The following WIPF3 variants were observed in gnomAD, a reference collection of about 807,000 sequenced individuals.
The protein encoded by WIPF3 is WAS/WASL interacting protein family member 3.
In WIPF3, 33 loss-of-function variants were observed where a neutral mutation model predicts 38.9. That is an observed-to-expected ratio of 0.85 (90% CI 0.64 to 1.14). The LOEUF is 1.14. Among genes scored for constraint, WIPF3 ranks in the 50% most tolerant of loss-of-function variants. The pLI is 0.00. For synonymous variants in WIPF3, 324 were observed against 269.3 expected, an observed-to-expected ratio of 1.20 and a Z score of -1.99; for missense variants, 711 against 652.5, an observed-to-expected ratio of 1.09 and a Z score of -0.98.
intron 7 of WIPF3, among the ~76,000 whole-genome samples, chr7:29,898,232 T>C (rs982700308): frequency 2.0e-5 from 3 of 152,228 alleles, no homozygotes; most frequent in African/African-American, 7.2e-5. Context: ...CACTGTACAC[T>C]GACTCCTTCT....
chr7:29,898,669 A>C (rs1786209365), intron 7 of WIPF3, among the ~76,000 whole-genome samples: 1 of 152,022 alleles, frequency 6.6e-6, no homozygotes, highest in Admixed American at 6.6e-5. Flanking sequence ...TTCCAAGTAC[A>C]CATTTGTTCC....
rs1467128269 is a variant in WIPF3 at position 29,878,141 on chromosome 7, G to A, written c.224-868G>A. ...TTAGTTTCTGGTTAAACCCATGATCGAATTGGTTAAGCCTAATTAACAGGT... is the reference window on the plus strand; with the variant it reads ...TTAGTTTCTGGTTAAACCCATGATCAAATTGGTTAAGCCTAATTAACAGGT... On this transcript the variant is annotated intron_variant, in intron 3 of 8. Transcript: ENST00000242140. This position sits in a 1 kb window ranked among gnomAD's most constrained non-coding sequence, Gnocchi z 4.0. Among the ~76,000 whole-genome samples, 3 of 152,100 alleles carry A rather than the reference G, an allele frequency of 2.0e-5. No homozygotes were observed. The highest frequency in any genetic ancestry group is 6.5e-5 in the Admixed American group (1 of 15,272).
intron 2 of WIPF3, among the ~76,000 whole-genome samples, chr7:29,854,800 A>G (rs1785162244): frequency 6.6e-6 from 1 of 152,208 alleles, no homozygotes; most frequent in Non-Finnish European, 1.5e-5. Context: ...ATGTATTTAG[A>G]GAGAGGGCCT....
At chr7:29,829,044 G>A (rs752832145) in intron 1 of WIPF3, among the ~76,000 whole-genome samples, 16 of 152,030 alleles carry the variant, frequency 1.1e-4, no homozygotes, top group Admixed American at 2.0e-4. Context: ...ATTATTTGCT[G>A]CTCCTGCTTA....
Position 29,806,549 on chromosome 7 carries a change from G to C in WIPF3, c.-187G>C, listed in dbSNP as rs1168354327. On this transcript the variant is annotated 5_prime_UTR_variant, in exon 1 of 9. Coordinates refer to ENST00000242140, the MANE Select transcript of WIPF3 (RefSeq NM_001080529.3). Reference sequence around the variant, plus strand: ...GGGGAGCGAGCCGGGCGCACCGAGCGCAGCTCGGCGGTAGCGGCGCCGCTT... The same window carrying C: ...GGGGAGCGAGCCGGGCGCACCGAGCCCAGCTCGGCGGTAGCGGCGCCGCTT... The C allele has an allele frequency of 6.6e-6, 1 of 151,268 alleles. No homozygotes were observed. Among genetic ancestry groups the C allele is most frequent in the Non-Finnish European group, 1.5e-5 (1 of 67,778 alleles). 9.4% of individuals were successfully genotyped at this position (151,268 alleles called of 1,614,324 possible). A position where few individuals can be genotyped will look rare whatever the true frequency, so the allele number is the denominator to read the frequency against.
chr7:29,867,209 A>C (rs1785403071), intron 2 of WIPF3, among the ~76,000 whole-genome samples: 2 of 152,134 alleles, frequency 1.3e-5, no homozygotes, highest in Non-Finnish European at 2.9e-5. Context: ...CGCTGTGTGC[A>C]CTCTAAGTAG....
intron 7 of WIPF3, among the ~76,000 whole-genome samples, chr7:29,896,041 T>G (rs989938276): frequency 6.6e-6 from 1 of 151,716 alleles, no homozygotes; most frequent in Admixed American, 6.6e-5. Context: ...AATAGATTAG[T>G]GGTTTCCAGA....
chr7:29,876,155 A>G (rs948770431), intron 3 of WIPF3, among the ~76,000 whole-genome samples, 193 bp downstream of exon 3: 2 of 152,256 alleles, frequency 1.3e-5, no homozygotes, highest in Non-Finnish European at 2.9e-5. Flanking sequence ...AATGGTTTAG[A>G]GCATAACTTC....
At chr7:29,822,137 T>C (rs1309365705) in intron 1 of WIPF3, among the ~76,000 whole-genome samples, 1 of 147,414 alleles carries the variant, frequency 6.8e-6, no homozygotes, top group African/African-American at 2.5e-5. Context: ...TTTTTTTTTT[T>C]TTTTTTTGGT....
In WIPF3 at chr7:29,864,423, G is replaced by C. The variant is rs527570944; in HGVS notation, c.91-11407G>C. Among the ~76,000 whole-genome samples, 5 of 152,310 alleles carry C rather than the reference G, an allele frequency of 3.3e-5. No individual in the cohort carries two copies. The East Asian group carries it at 9.6e-4, about 29-fold the overall frequency. On this transcript the variant is annotated intron_variant, in intron 2 of 8. Transcript: ENST00000242140. ...TTCTACATATTGCTGGACTCTGTCA[G>C]TTCTTCATAGCTAAGGATAACGTTT...
intron 2 of WIPF3, among the ~76,000 whole-genome samples, chr7:29,838,412 A>G (rs993578971): frequency 6.6e-6 from 1 of 152,172 alleles, no homozygotes; most frequent in African/African-American, 2.4e-5. Context: ...TCATAGATAT[A>G]CAGAAATATA....
At chr7:29,816,250 C>T (rs1329201688) in intron 1 of WIPF3, among the ~76,000 whole-genome samples, 1 of 152,150 alleles carries the variant, frequency 6.6e-6, no homozygotes. Flanking sequence ...ACTCTATCCT[C>T]AGACCACCTA....
chr7:29,852,111 CCTGCCT>C (rs1785109127), intron 2 of WIPF3, among the ~76,000 whole-genome samples: 3 of 152,176 alleles, frequency 2.0e-5, no homozygotes, highest in Admixed American at 1.3e-4. Flanking sequence ...AAGCAGTCCT[CCTGCCT>C]CAGCCTCCCA....
At chr7:29,894,214 C>T (rs1421061539) in intron 7 of WIPF3, among the ~76,000 whole-genome samples, 1 of 152,272 alleles carries the variant, frequency 6.6e-6, no homozygotes, top group African/African-American at 2.4e-5. Flanking sequence ...TGCTAATCTA[C>T]AGCTAGCTGC....
chr7:29,913,229 C>T (rs970380502), intron 8 of WIPF3, among the ~76,000 whole-genome samples: 1 of 151,784 alleles, frequency 6.6e-6, no homozygotes, highest in Non-Finnish European at 1.5e-5. Context: ...ATCTGTAATC[C>T]CAGCTACACG....
intron 2 of WIPF3, among the ~76,000 whole-genome samples, chr7:29,836,916 A>C (rs1784812664): frequency 6.6e-6 from 1 of 152,124 alleles, no homozygotes; most frequent in African/African-American, 2.4e-5. Context: ...ACTTGAACCC[A>C]GGAGGCGGAG....
intron 1 of WIPF3, among the ~76,000 whole-genome samples, chr7:29,810,406 G>A (rs1784353833): frequency 6.6e-6 from 1 of 152,176 alleles, no homozygotes; most frequent in Non-Finnish European, 1.5e-5. Context: ...GGCAAGTGAG[G>A]GGTACTCCCT....
intron 2 of WIPF3, among the ~76,000 whole-genome samples, chr7:29,863,729 G>T (rs1785339422): frequency 6.6e-6 from 1 of 152,068 alleles, no homozygotes; most frequent in African/African-American, 2.4e-5. Context: ...ATTTATTTAG[G>T]TCTACTTTCT....
At chr7:29,817,797 A>T (rs971541123) in intron 1 of WIPF3, among the ~76,000 whole-genome samples, 2 of 152,116 alleles carry the variant, frequency 1.3e-5, no homozygotes, top group African/African-American at 4.8e-5. Flanking sequence ...TTCCATGTAA[A>T]CTTTGAAATC....
Sources: allele counts gnomAD v4.1 joint callset (sites outside exome capture counted in the v4.1 genomes callset), GRCh38; gene constraint gnomAD v4.1.1; non-coding constraint Gnocchi (gnomAD v3.1); transcripts MANE v1.5; gene names NCBI Gene and HGNC (gene_info 2026-07-23, HGNC 2026-07-21).